LRMDA: variants seen among roughly 807,000 people sequenced by gnomAD.
LRMDA encodes the protein leucine-rich melanocyte differentiation-associated protein.
Under a neutral mutation model 29.8 loss-of-function variants are expected in LRMDA, and 18 were observed. The observed-to-expected ratio is 0.60, with a 90% confidence interval of 0.42 to 0.90. The LOEUF (loss-of-function observed/expected upper bound fraction) is 0.90. Among genes scored for constraint, LRMDA ranks in the 40% least tolerant of loss-of-function variants. The pLI, the probability that LRMDA is intolerant of heterozygous loss-of-function variation, is 0.00. For synonymous variants in LRMDA, 125 were observed against 109.4 expected, an observed-to-expected ratio of 1.14 and a Z score of -0.89; for missense variants, 273 against 273.9, an observed-to-expected ratio of 1.00 and a Z score of 0.02.
At chr10:75,502,775 G>A (rs1845128201) in intron 2 of LRMDA, among the ~76,000 whole-genome samples, 1 of 152,062 alleles carries the variant, frequency 6.6e-6, no homozygotes, top group African/African-American at 2.4e-5. Flanking sequence ...TTTTAGGTTT[G>A]GGGTACACGT....
chr10:76,023,198 C>T (rs1183823593), intron 2 of LRMDA, among the ~76,000 whole-genome samples: 1 of 152,116 alleles, frequency 6.6e-6, no homozygotes, highest in Admixed American at 6.5e-5. Context: ...GGAAAGGCAG[C>T]TCAGCCATTA....
At chr10:75,495,754 CTAACTT>C (rs1430719108) in intron 2 of LRMDA, among the ~76,000 whole-genome samples, 1 of 152,202 alleles carries the variant, frequency 6.6e-6, no homozygotes, top group Non-Finnish European at 1.5e-5. Flanking sequence ...TGTGAACAGA[CTAACTT>C]TAAAGAATTC....
intron 2 of LRMDA, among the ~76,000 whole-genome samples, chr10:75,724,323 G>A (rs1183653179): frequency 6.6e-6 from 1 of 152,134 alleles, no homozygotes; most frequent in Non-Finnish European, 1.5e-5. Flanking sequence ...CAGCAAAACA[G>A]GGCTCCCCAT....
intron 2 of LRMDA, among the ~76,000 whole-genome samples, chr10:75,445,646 C>G (rs941817306): frequency 1.3e-5 from 2 of 152,208 alleles, no homozygotes; most frequent in South Asian, 2.1e-4. Flanking sequence ...TTTCCCATCT[C>G]CCCTGATTGG....
At chr10:75,827,572 A>G (rs1844268855) in intron 2 of LRMDA, among the ~76,000 whole-genome samples, 1 of 152,218 alleles carries the variant, frequency 6.6e-6, no homozygotes, top group Non-Finnish European at 1.5e-5. Flanking sequence ...ACCTCTTCCT[A>G]AAATGTCTTC....
chr10:76,390,894 A>G lies in LRMDA; in HGVS notation c.601+66409A>G, dbSNP rs368425479. ...GTATGAAGGGAGTTCACCAAAGGTG[A>G]TAAGTTTTATTTGGGGCCTGTTTGT... On this transcript the variant is annotated intron_variant, in intron 6 of 6. Transcript: ENST00000611255. 6.6e-5 allele frequency among the ~76,000 whole-genome samples: 10 copies of G among 152,314 alleles called. No individual in the cohort carries two copies. The East Asian group carries it at 1.7e-3, about 26-fold the overall frequency.
intron 2 of LRMDA, among the ~76,000 whole-genome samples, chr10:75,587,310 T>C (rs1840668380): frequency 6.6e-6 from 1 of 152,190 alleles, no homozygotes; most frequent in Admixed American, 6.5e-5. Context: ...TGCATTATAA[T>C]ATCCAGGGTT....
intron 2 of LRMDA, among the ~76,000 whole-genome samples, chr10:75,702,143 G>A (rs1286334262): frequency 6.6e-6 from 1 of 152,110 alleles, no homozygotes; most frequent in Non-Finnish European, 1.5e-5. Flanking sequence ...GCACCCTGTT[G>A]ACTAGTTTGG....
chr10:75,509,180 G>A (rs771030897), intron 2 of LRMDA, among the ~76,000 whole-genome samples: 2 of 152,146 alleles, frequency 1.3e-5, no homozygotes, highest in Non-Finnish European at 2.9e-5. Flanking sequence ...ATGGGCCACC[G>A]TTGCTGGCTG....
In LRMDA at chr10:75,431,721, C is replaced by T. The variant is rs925897621; in HGVS notation, c.-4C>T. ...TCCCGCGCGCCCGCAGCGTCCTGGC[C>T]GCCATGGCCGGGCTCGTGGTGCGTG... On this transcript the variant is annotated 5_prime_UTR_variant, in exon 1 of 7. Transcript: ENST00000611255. The T allele has an allele frequency of 1.2e-5, 16 of 1,353,014 alleles. No individual in the cohort carries two copies. The highest frequency in any genetic ancestry group is 7.5e-5 in the African/African-American group (5 of 66,544). 83.8% of individuals were successfully genotyped at this position (1,353,014 alleles called of 1,614,324 possible).
intron 2 of LRMDA, among the ~76,000 whole-genome samples, chr10:75,568,759 A>G (rs1840402471): frequency 6.6e-6 from 1 of 152,250 alleles, no homozygotes; most frequent in African/African-American, 2.4e-5. Flanking sequence ...AGATGACACA[A>G]TTAAGACACT....
At chr10:76,334,933 A>G (rs1840949709) in intron 6 of LRMDA, among the ~76,000 whole-genome samples, 1 of 152,194 alleles carries the variant, frequency 6.6e-6, no homozygotes. Context: ...ATGCAGAGAA[A>G]GCAGAGGCCA....
At chr10:76,227,306 T>G (rs1229165863) in intron 5 of LRMDA, among the ~76,000 whole-genome samples, 1 of 152,202 alleles carries the variant, frequency 6.6e-6, no homozygotes, top group Non-Finnish European at 1.5e-5. Context: ...GACTTTTTTT[T>G]GTTTATTTAT....
At chr10:75,938,805 G>T (rs1163917581) in intron 2 of LRMDA, among the ~76,000 whole-genome samples, 1 of 152,202 alleles carries the variant, frequency 6.6e-6, no homozygotes, top group African/African-American at 2.4e-5. Context: ...TGTTAATATT[G>T]TTTGTCTGAG....
At chr10:76,280,877 C>T (rs930634726) in intron 5 of LRMDA, among the ~76,000 whole-genome samples, 1 of 152,084 alleles carries the variant, frequency 6.6e-6, no homozygotes, top group African/African-American at 2.4e-5. Context: ...TGATCCCTGC[C>T]TTCAGGAAGT....
chr10:76,097,344 C>A (rs950385141), intron 5 of LRMDA, among the ~76,000 whole-genome samples: 1 of 152,122 alleles, frequency 6.6e-6, no homozygotes, highest in Non-Finnish European at 1.5e-5. Flanking sequence ...AGTTTTATTT[C>A]CTCAGTTTCA....
At chr10:76,442,081 A>T (rs1842309450) in intron 6 of LRMDA, among the ~76,000 whole-genome samples, 2 of 152,196 alleles carry the variant, frequency 1.3e-5, no homozygotes, top group Admixed American at 1.3e-4. Flanking sequence ...CTCTGATGAA[A>T]ACCCTCATAA....
intron 6 of LRMDA, among the ~76,000 whole-genome samples, chr10:76,529,799 T>C (rs1030598184): frequency 6.6e-6 from 1 of 152,150 alleles, no homozygotes; most frequent in African/African-American, 2.4e-5. Context: ...AACTTGCCAG[T>C]TATTTGGGAG....
At chr10:76,363,204 G>A (rs1368759274) in intron 6 of LRMDA, among the ~76,000 whole-genome samples, 2 of 17,068 alleles carry the variant, frequency 1.2e-4, no homozygotes, top group African/African-American at 3.1e-4. Flanking sequence ...GAGGGAGGGA[G>A]GGAGGGAAGG....
Sources: gnomAD v4.1 joint callset for allele counts (sites outside exome capture counted in the v4.1 genomes callset) on GRCh38, gnomAD v4.1.1 for gene constraint, MANE v1.5 for transcripts, NCBI Gene and HGNC (gene_info 2026-07-23, HGNC 2026-07-21) for gene names.